Variants in ERCC6L2 observed in about 807,000 individuals in gnomAD.
ERCC6L2 encodes the protein DNA excision repair protein ERCC-6-like 2.
In ERCC6L2, 77 loss-of-function variants were observed where a neutral mutation model predicts 132.0. The ratio of observed to expected loss-of-function variants is 0.58; its 90% CI spans 0.49 to 0.71. The LOEUF is 0.71. ERCC6L2 is among the 30% of genes least tolerant of loss of function. ERCC6L2 has a pLI of 0.00. For missense variants in ERCC6L2, 1,542 were observed against 1,837.6 expected, an observed-to-expected ratio of 0.84 and a Z score of 2.94; for synonymous variants, 583 against 632.4, an observed-to-expected ratio of 0.92 and a Z score of 1.17.
downstream of ERCC6L2, among the ~76,000 whole-genome samples, chr9:96,023,435 T>TC (rs1362088971): frequency 2.6e-5 from 4 of 152,150 alleles, no homozygotes; most frequent in Admixed American, 6.5e-5. Flanking sequence ...GCAGACTGTT[T>TC]CCCCCCTAAC....
chr9:96,021,306 G>A (rs1834284646), downstream of ERCC6L2: 1 of 333,382 alleles, frequency 3.0e-6, no homozygotes, highest in Non-Finnish European at 5.8e-6. This position sits in a 1 kb window ranked among gnomAD's most constrained non-coding sequence, Gnocchi z 4.7. Flanking sequence ...GAAAGCAAGC[G>A]ATTAACTGAT....
chr9:95,997,915 T>C (rs1042879185), intron 17 of ERCC6L2, among the ~76,000 whole-genome samples: 1 of 152,218 alleles, frequency 6.6e-6, no homozygotes, highest in Admixed American at 6.5e-5. Context: ...AATGCAGCAT[T>C]ATTTATCTTG....
At chr9:95,956,436 C>T (rs1831605592) in intron 13 of ERCC6L2, among the ~76,000 whole-genome samples, 1 of 152,172 alleles carries the variant, frequency 6.6e-6, no homozygotes, top group Admixed American at 6.6e-5. Flanking sequence ...GCTACAGGTG[C>T]ACTGATATGT....
exon 20 of ERCC6L2, chr9:96,039,031 C>A (rs1834549895): frequency 1.2e-5 from 5 of 428,380 alleles, no homozygotes; most frequent in South Asian, 6.5e-5. Context: ...CTCCCCCAGC[C>A]CCAACACACG....
chr9:95,895,017 C>G (rs964811972), intron 2 of ERCC6L2, among the ~76,000 whole-genome samples: 10 of 152,156 alleles, frequency 6.6e-5, no homozygotes, highest in Non-Finnish European at 1.5e-4. Flanking sequence ...TTAAAGTCTT[C>G]TGTATCTTTA....
chr9:95,935,147 A>C (rs544863015), intron 11 of ERCC6L2, among the ~76,000 whole-genome samples: 1 of 152,190 alleles, frequency 6.6e-6, no homozygotes, highest in Non-Finnish European at 1.5e-5. Context: ...ACTGGAGTTT[A>C]TGTGTGAAGA....
At chr9:95,880,561 A>G (rs963536365) in intron 1 of ERCC6L2, among the ~76,000 whole-genome samples, 13 of 152,188 alleles carry the variant, frequency 8.5e-5, no homozygotes, top group Admixed American at 7.9e-4. Flanking sequence ...CGTGACCCCT[A>G]TCCACTGAAT....
chr9:95,949,301 A>G (rs1281944230), intron 12 of ERCC6L2, among the ~76,000 whole-genome samples: 1 of 152,178 alleles, frequency 6.6e-6, no homozygotes, highest in Non-Finnish European at 1.5e-5. Flanking sequence ...TTAAGAAATA[A>G]TGAAAAGCTC....
chr9:95,938,868 CTAGT>C (rs1332267355), intron 11 of ERCC6L2, among the ~76,000 whole-genome samples: 6 of 151,926 alleles, frequency 3.9e-5, no homozygotes, highest in Admixed American at 6.6e-5. Flanking sequence ...TCTCCTATTT[CTAGT>C]TCCACTGTTT....
intron 12 of ERCC6L2, among the ~76,000 whole-genome samples, chr9:95,942,979 A>G (rs542797318): frequency 1.3e-5 from 2 of 152,318 alleles, no homozygotes; most frequent in African/African-American, 2.4e-5. Flanking sequence ...AATTCAGCAG[A>G]TCAGACTTTG....
At chr9:95,940,438 A>G (rs1830745192) in intron 11 of ERCC6L2, among the ~76,000 whole-genome samples, 1 of 152,204 alleles carries the variant, frequency 6.6e-6, no homozygotes, top group African/African-American at 2.4e-5. Context: ...CAAAAAAGAA[A>G]GCTAGACTTT....
chr9:95,907,863 A>ACACACACACACACACACACACACACC (rs1259450173), intron 4 of ERCC6L2, among the ~76,000 whole-genome samples: 3 of 150,250 alleles, frequency 2.0e-5, no homozygotes. Flanking sequence ...ACACCCCCAC[A>ACACACACACACACACACACACACACC]CCCACACACC....
chr9:96,007,889 T>A (rs544083083), intron 18 of ERCC6L2, among the ~76,000 whole-genome samples: 1 of 152,230 alleles, frequency 6.6e-6, no homozygotes, highest in African/African-American at 2.4e-5. Flanking sequence ...GGGTTCAAAG[T>A]ACTTCCTGCA....
At chr9:96,001,023 C>T (rs1054010998) in intron 17 of ERCC6L2, among the ~76,000 whole-genome samples, 5 of 151,914 alleles carry the variant, frequency 3.3e-5, no homozygotes, top group African/African-American at 1.2e-4. Context: ...CTCGCTGGCT[C>T]AGGAGTGAAG....
intron 2 of ERCC6L2, among the ~76,000 whole-genome samples, chr9:95,883,047 G>T (rs748355281): frequency 2.4e-4 from 36 of 152,132 alleles, no homozygotes; most frequent in Non-Finnish European, 1.8e-4. Context: ...TGGTCCTAAA[G>T]CTTTAAACTT....
chr9:95,906,551 TC>T, intron 3 of ERCC6L2: 1 of 431,386 alleles, frequency 2.3e-6, no homozygotes, highest in Non-Finnish European at 4.6e-6. Context: ...GAGAAGTTCA[TC>T]CAGGAAGTTT....
At chr9:96,025,467 A>T (rs1376690497) in intron 19 of ERCC6L2, among the ~76,000 whole-genome samples, 1 of 152,172 alleles carries the variant, frequency 6.6e-6, no homozygotes, top group Non-Finnish European at 1.5e-5. Context: ...AATGCCTCCG[A>T]GGCCCCCTTG....
At chr9:95,892,151 G>T (rs1479762800) in intron 2 of ERCC6L2, among the ~76,000 whole-genome samples, 1 of 151,538 alleles carries the variant, frequency 6.6e-6, no homozygotes, top group Non-Finnish European at 1.5e-5. Flanking sequence ...TCTACTCCTT[G>T]TTTTTTTCAC....
rs1362837723 is a variant in ERCC6L2 at position 96,011,569 on chromosome 9, A to G, written c.3675-656A>G. Among the ~76,000 whole-genome samples the G allele has an allele frequency of 2.6e-5, 4 of 152,196 alleles. No homozygotes were observed. In the South Asian group the frequency reaches 8.3e-4, roughly 31 times the overall value. Reference sequence around the variant, plus strand: ...TTCTTGAAGGCCCATTTCCTCATACATGCATACAACAGCTTTTATTAGTAT... The same window carrying G: ...TTCTTGAAGGCCCATTTCCTCATACGTGCATACAACAGCTTTTATTAGTAT... On this transcript the variant is annotated intron_variant, in intron 18 of 18. Coordinates refer to ENST00000653738, the MANE Select transcript of ERCC6L2 (RefSeq NM_020207.7).
Sources: allele counts gnomAD v4.1 joint callset (sites outside exome capture counted in the v4.1 genomes callset), GRCh38; gene constraint gnomAD v4.1.1; non-coding constraint Gnocchi (gnomAD v3.1); transcripts MANE v1.5; gene names NCBI Gene and HGNC (gene_info 2026-07-23, HGNC 2026-07-21).